ACSL4: variants seen among roughly 807,000 people sequenced by gnomAD.
ACSL4 encodes long-chain-fatty-acid--CoA ligase 4.
Under a neutral mutation model 49.1 loss-of-function variants are expected in ACSL4, and 9 were observed. The ratio of observed to expected loss-of-function variants is 0.18; its 90% CI spans 0.11 to 0.32. The LOEUF (loss-of-function observed/expected upper bound fraction) is 0.32. ACSL4 is among the 10% of genes least tolerant of loss of function. The pLI, the probability that ACSL4 is intolerant of heterozygous loss-of-function variation, is 1.00. For synonymous variants in ACSL4, 191 were observed against 170.3 expected (o/e 1.12, Z -0.95); for missense variants, 333 against 493.7 (o/e 0.67, Z 3.08).
chrX:109,645,094 G>A (rs1363899551), intron 15 of ACSL4, among the ~76,000 whole-genome samples: 2 of 113,098 alleles, frequency 1.8e-5, no homozygotes, highest in African/African-American at 3.2e-5. Context: ...GAGGCTGGGG[G>A]AGGGGCGCCC....
intron 1 of ACSL4, among the ~76,000 whole-genome samples, chrX:109,712,808 G>A (rs763770022): frequency 1.8e-5 from 2 of 110,719 alleles, no homozygotes; most frequent in Non-Finnish European, 3.8e-5. Context: ...AACCTTGTCT[G>A]TACAAAAATT....
At chrX:109,644,823 G>A (rs1340543647) in intron 15 of ACSL4, among the ~76,000 whole-genome samples, 2 of 113,133 alleles carry the variant, frequency 1.8e-5, no homozygotes, top group Non-Finnish European at 3.7e-5. Context: ...GTGGGTGTGC[G>A]CACCATGCGC....
chrX:109,653,654 A>G (rs1219065823), intron 15 of ACSL4, among the ~76,000 whole-genome samples: 2 of 110,284 alleles, frequency 1.8e-5, no homozygotes, highest in Non-Finnish European at 3.8e-5. Context: ...TGTCCTTTGT[A>G]GGGACATGGA....
At chrX:109,699,390 A>T (rs1056571694) in intron 1 of ACSL4, among the ~76,000 whole-genome samples, 9 of 112,545 alleles carry the variant, frequency 8.0e-5, no homozygotes, top group African/African-American at 2.3e-4. Flanking sequence ...TTTAGCATTT[A>T]ATGTTCAAAT....
At chrX:109,661,461 A>C (rs113980086) in intron 14 of ACSL4, 70 bp downstream of exon 14, 22 of 759,179 alleles carry the variant, frequency 2.9e-5, no homozygotes, top group African/African-American at 1.7e-4. Context: ...CCTTATGATA[A>C]TATGTAATCA....
intron 1 of ACSL4, among the ~76,000 whole-genome samples, chrX:109,711,828 C>T (rs1271097848): frequency 1.8e-5 from 2 of 111,617 alleles, no homozygotes; most frequent in Non-Finnish European, 3.8e-5. Flanking sequence ...CCCTGCTAGG[C>T]TCTAAGCTCC....
chrX:109,678,428 A>G lies in ACSL4; in HGVS notation c.656-13T>C. On this transcript the variant is annotated splice_polypyrimidine_tract_variant and intron_variant, in intron 6 of 15. Transcript: ENST00000672401. The stretch of plus-strand genomic sequence containing the variant: ...GGAGGAATGCCCACTAAATGAATGA[A>G]TGAAAAATATCACATTTACTTCAGT... 1 of 1,209,427 alleles carries G rather than the reference A, an allele frequency of 8.3e-7. No homozygotes were observed. The highest frequency in any genetic ancestry group is 1.1e-6 in the Non-Finnish European group (1 of 893,053).
At chrX:109,700,207 C>CAAAAAAAAA (rs748667601) in intron 1 of ACSL4, among the ~76,000 whole-genome samples, 1 of 16,301 alleles carries the variant, frequency 6.1e-5, no homozygotes, top group Non-Finnish European at 1.1e-4. Context: ...GACTCCGTCT[C>CAAAAAAAAA]AAAAAAAAAA....
intron 8 of ACSL4, among the ~76,000 whole-genome samples, chrX:109,676,416 C>T (rs1923690512): frequency 9.0e-6 from 1 of 111,730 alleles, no homozygotes; most frequent in East Asian, 2.8e-4. Context: ...ACGTATCTTA[C>T]CAACTACATG....
intron 15 of ACSL4, among the ~76,000 whole-genome samples, chrX:109,645,141 T>C (rs1238047653): frequency 5.6e-4 from 63 of 112,993 alleles, no homozygotes; most frequent in Middle Eastern, 4.6e-3. Context: ...ACAAAGCAGC[T>C]GGGAAGCTCC....
chrX:109,651,055 G>A (rs1013191464), intron 15 of ACSL4, among the ~76,000 whole-genome samples: 1 of 111,379 alleles, frequency 9.0e-6, no homozygotes, highest in Admixed American at 9.5e-5. Context: ...AATACATATT[G>A]GCAAAATATA....
intron 15 of ACSL4, among the ~76,000 whole-genome samples, chrX:109,659,151 T>C (rs1205576773): frequency 1.8e-5 from 2 of 112,269 alleles, no homozygotes; most frequent in East Asian, 2.8e-4. Flanking sequence ...TGTTGAAACA[T>C]GCAATAAAGA....
intron 6 of ACSL4, among the ~76,000 whole-genome samples, chrX:109,679,819 G>A (rs1924027873): frequency 8.9e-6 from 1 of 112,017 alleles, no homozygotes; most frequent in African/African-American, 3.2e-5. Context: ...TTAGCTTGCT[G>A]CCAACACCCT....
chrX:109,659,787 C>T (rs1922018556), intron 14 of ACSL4, among the ~76,000 whole-genome samples: 1 of 110,612 alleles, frequency 9.0e-6, no homozygotes, highest in African/African-American at 3.3e-5. Flanking sequence ...GTCTCGTCAA[C>T]AAATGGTACT....
chrX:109,656,638 A>G (rs1921668880), intron 15 of ACSL4, among the ~76,000 whole-genome samples: 1 of 110,709 alleles, frequency 9.0e-6, no homozygotes, highest in African/African-American at 3.3e-5. Flanking sequence ...GACAGATGAG[A>G]CTTGGGGAAA....
chrX:109,652,943 T>C (rs1411396770), intron 15 of ACSL4, among the ~76,000 whole-genome samples: 1 of 111,492 alleles, frequency 9.0e-6, no homozygotes. Context: ...ATTCAGAAAA[T>C]TATTCTTGGG....
chrX:109,662,563 T>TCCA (rs1275080451), intron 13 of ACSL4, among the ~76,000 whole-genome samples: 1 of 110,893 alleles, frequency 9.0e-6, no homozygotes, highest in Non-Finnish European at 1.9e-5. Context: ...TTTTGCCTCA[T>TCCA]CCAAGTGAAT....
At chrX:109,717,853 AT>A (rs35928030) in intron 1 of ACSL4, among the ~76,000 whole-genome samples, 44,186 of 107,080 alleles carry the variant, frequency 0.41, 7,981 homozygotes, top group Middle Eastern at 0.6. Context: ...TACACCTTTA[AT>A]TTTTTTTTTT....
chrX:109,670,406 G>A (rs767941063), intron 9 of ACSL4, among the ~76,000 whole-genome samples: 1 of 109,376 alleles, frequency 9.1e-6, no homozygotes, highest in South Asian at 4.0e-4. Flanking sequence ...CCAAGATGGT[G>A]AAACCCCGTC....
Sources: gnomAD v4.1 joint callset for allele counts (sites outside exome capture counted in the v4.1 genomes callset) on GRCh38, gnomAD v4.1.1 for gene constraint, MANE v1.5 for transcripts, NCBI Gene and HGNC (gene_info 2026-07-23, HGNC 2026-07-21) for gene names.